CDH12: variants seen among roughly 807,000 people sequenced by gnomAD.
CDH12 encodes cadherin-12.
CDH12 carries 41 observed loss-of-function variants against 74.1 expected under a neutral mutation model. The ratio of observed to expected loss-of-function variants is 0.55; its 90% CI spans 0.43 to 0.72. The LOEUF is 0.72. CDH12 is among the 30% of genes least tolerant of loss of function. The pLI, the probability that CDH12 is intolerant of heterozygous loss-of-function variation, is 0.00. For synonymous variants in CDH12, 399 were observed against 355.0 expected (o/e 1.12, Z -1.39); for missense variants, 945 against 977.2 (o/e 0.97, Z 0.44).
intron 2 of CDH12, among the ~76,000 whole-genome samples, chr5:22,417,671 T>C (rs902179827): frequency 6.6e-6 from 1 of 152,208 alleles, no homozygotes; most frequent in African/African-American, 2.4e-5. Flanking sequence ...ATAGAATAAA[T>C]CTGAATTCTC....
intron 1 of CDH12, among the ~76,000 whole-genome samples, chr5:22,570,544 T>G (rs1167796648): frequency 1.3e-5 from 2 of 152,110 alleles, no homozygotes; most frequent in Non-Finnish European, 2.9e-5. Flanking sequence ...CATTTATAGA[T>G]AGTAGGTCTC....
chr5:22,730,473 T>C (rs1405414246), intron 1 of CDH12, among the ~76,000 whole-genome samples: 1 of 151,886 alleles, frequency 6.6e-6, no homozygotes, highest in Non-Finnish European at 1.5e-5. Context: ...TAGAGCTACA[T>C]ATTCAGCAGA....
At chr5:22,273,168 G>T (rs574110976) in intron 3 of CDH12, among the ~76,000 whole-genome samples, 4 of 152,062 alleles carry the variant, frequency 2.6e-5, no homozygotes, top group Non-Finnish European at 5.9e-5. Flanking sequence ...ACCATAACAG[G>T]TGCACTTCAT....
intron 4 of CDH12, among the ~76,000 whole-genome samples, chr5:22,107,480 G>GTATGTATAGATACACATATAATTATTA (rs1744535240): frequency 6.8e-6 from 1 of 146,272 alleles, no homozygotes; most frequent in Non-Finnish European, 1.5e-5. Context: ...ATATACATAC[G>GTATGTATAGATACACATATAATTATTA]TATGTATATA....
chr5:22,028,092 C>G (rs1451617561), intron 5 of CDH12, among the ~76,000 whole-genome samples: 2 of 152,030 alleles, frequency 1.3e-5, no homozygotes, highest in Non-Finnish European at 2.9e-5. Context: ...CATTCAGGAG[C>G]AAGTTGTTCA....
chr5:22,535,143 CTTTTTTTTTTTTTTCTT>C (rs1241297292), intron 1 of CDH12, among the ~76,000 whole-genome samples: 2 of 69,216 alleles, frequency 2.9e-5, no homozygotes, highest in African/African-American at 1.1e-4. Context: ...GGCTAATTTT[CTTTTTTTTTTTTTTCTT>C]TTTTTTTTTT....
At chr5:22,209,648 A>G (rs1310513998) in intron 4 of CDH12, among the ~76,000 whole-genome samples, 1 of 150,550 alleles carries the variant, frequency 6.6e-6, no homozygotes, top group African/African-American at 2.4e-5. Context: ...ATTAGCTGGA[A>G]GCAAAGACTT....
rs534890717 is a variant in CDH12 at position 22,829,988 on chromosome 5, C to A, written c.-523+23070G>T. Among the ~76,000 whole-genome samples, 298 of 152,226 alleles carry A rather than the reference C, an allele frequency of 2.0e-3. 2 individuals are homozygous for A. The highest frequency in any genetic ancestry group is 7.0e-3 in the African/African-American group (292 of 41,540). On this transcript the variant is annotated intron_variant, in intron 1 of 14. Transcript: ENST00000382254. The stretch of plus-strand genomic sequence containing the variant: ...TTTATGTCAGCATAAAACATATGTA[C>A]CAGATATTAGGTTATATAATATTTT...
chr5:22,623,443 G>A (rs144561608), intron 1 of CDH12, among the ~76,000 whole-genome samples: 22,274 of 152,160 alleles, frequency 0.15, 1,646 homozygotes, highest in Middle Eastern at 0.18. Flanking sequence ...ATCTCCTTAA[G>A]CTGATAAGCA....
chr5:21,902,895 A>G (rs948916777), intron 6 of CDH12, among the ~76,000 whole-genome samples: 2 of 152,178 alleles, frequency 1.3e-5, no homozygotes, highest in Non-Finnish European at 2.9e-5. Context: ...CATAAATGGA[A>G]GAATGATAAG....
intron 3 of CDH12, among the ~76,000 whole-genome samples, chr5:22,321,957 A>C (rs181314575): frequency 6.6e-6 from 1 of 152,288 alleles, no homozygotes; most frequent in African/African-American, 2.4e-5. Context: ...ACAATTGACT[A>C]TTTTTACAAT....
chr5:22,211,854 C>T (rs1156891873), intron 4 of CDH12, among the ~76,000 whole-genome samples: 2 of 151,490 alleles, frequency 1.3e-5, no homozygotes, highest in Non-Finnish European at 2.9e-5. Flanking sequence ...TTTTCCTTTG[C>T]TTTCTTTTTT....
At position 21,791,034 on chromosome 5, in the gene CDH12, C is replaced by G. The variant is rs779551306; in HGVS notation, c.1257-7540G>C. ...CAAGCTCCTTTCTCTGCATGATACC[C>G]TCCAACAAAGCTTTATATCTTCTGG... On this transcript the variant is annotated intron_variant, in intron 10 of 14. Transcript: ENST00000382254. 5.6e-4 allele frequency among the ~76,000 whole-genome samples: 85 copies of G among 152,068 alleles called. 1 individual carries two copies. Among genetic ancestry groups the G allele is most frequent in the Non-Finnish European group, 1.1e-3 (75 of 67,970 alleles).
chr5:22,070,676 T>C (rs1335331876), intron 5 of CDH12, among the ~76,000 whole-genome samples: 10 of 152,176 alleles, frequency 6.6e-5, no homozygotes, highest in Admixed American at 6.6e-4. Flanking sequence ...ATGAACCAAT[T>C]TCTTAAAAAT....
At chr5:21,822,806 T>C (rs1379497022) in intron 8 of CDH12, among the ~76,000 whole-genome samples, 1 of 152,130 alleles carries the variant, frequency 6.6e-6, no homozygotes, top group Non-Finnish European at 1.5e-5. Context: ...AGAATTGCCA[T>C]GCACACAATA....
intron 3 of CDH12, among the ~76,000 whole-genome samples, chr5:22,330,046 T>A (rs1347769951): frequency 6.6e-6 from 1 of 152,210 alleles, no homozygotes; most frequent in Admixed American, 6.5e-5. Flanking sequence ...GCTTGCATTA[T>A]GCTTCTTCCA....
intron 5 of CDH12, among the ~76,000 whole-genome samples, chr5:22,000,256 T>A (rs1340054551): frequency 6.6e-6 from 1 of 152,086 alleles, no homozygotes; most frequent in Non-Finnish European, 1.5e-5. Context: ...GCCACCACAC[T>A]CAGCCCCATG....
At chr5:22,350,612 G>A (rs962744588) in intron 3 of CDH12, among the ~76,000 whole-genome samples, 2 of 152,106 alleles carry the variant, frequency 1.3e-5, no homozygotes, top group African/African-American at 4.8e-5. Context: ...ACTAAAGAAA[G>A]GTGGAGAATT....
intron 3 of CDH12, among the ~76,000 whole-genome samples, chr5:22,342,787 C>T (rs558884444): frequency 2.1e-4 from 30 of 139,564 alleles, no homozygotes; most frequent in South Asian, 4.7e-4. Context: ...CCTTCCTTCC[C>T]TCCCTCCCTT....
Sources: gnomAD v4.1 joint callset for allele counts (sites outside exome capture counted in the v4.1 genomes callset) on GRCh38, gnomAD v4.1.1 for gene constraint, MANE v1.5 for transcripts, NCBI Gene and HGNC (gene_info 2026-07-23, HGNC 2026-07-21) for gene names.